The following PHACTR1 variants were observed in gnomAD, a reference collection of about 807,000 sequenced individuals.
PHACTR1 encodes the protein RPEL repeat containing 1.
A neutral mutation model predicts 69.2 loss-of-function variants in PHACTR1; 16 were observed. The observed-to-expected ratio is 0.23, with a 90% CI of 0.16 to 0.35. The LOEUF is 0.35. PHACTR1 is among the 10% of genes least tolerant of loss of function. PHACTR1 has a pLI of 1.00. For missense variants in PHACTR1, 510 were observed against 734.7 expected, an observed-to-expected ratio of 0.69 and a Z score of 3.54; for synonymous variants, 312 against 284.5, an observed-to-expected ratio of 1.10 and a Z score of -0.97.
In PHACTR1 at chr6:12,921,126, A is replaced by T. The variant is rs189059883; in HGVS notation, c.251-132239A>T. ...CTCACATTGGTGCAGTGCACCTGGG[A>T]ATGGGCACCTCCTTAAACCAAGCAC... On this transcript the variant is annotated intron_variant, in intron 4 of 14. Coordinates refer to ENST00000332995, the MANE Select transcript of PHACTR1 (RefSeq NM_030948.6). 2.4e-3 allele frequency among the ~76,000 whole-genome samples: 359 copies of T among 152,294 alleles called. 2 individuals carry two copies. Among genetic ancestry groups the T allele is most frequent in the African/African-American group, 8.3e-3 (343 of 41,548 alleles).
intron 5 of PHACTR1, among the ~76,000 whole-genome samples, chr6:13,066,565 T>C (rs148506191): frequency 6.6e-6 from 1 of 152,284 alleles, no homozygotes; most frequent in African/African-American, 2.4e-5. Context: ...TCTATTGCTG[T>C]GTTACAAAAC....
At chr6:13,237,549 C>T (rs949079370) in intron 10 of PHACTR1, among the ~76,000 whole-genome samples, 1 of 152,110 alleles carries the variant, frequency 6.6e-6, no homozygotes, top group Admixed American at 6.6e-5. Flanking sequence ...GCCGAGGAGA[C>T]AATGAGACAG....
chr6:12,939,374 A>G (rs1489924228), intron 4 of PHACTR1, among the ~76,000 whole-genome samples: 2 of 152,152 alleles, frequency 1.3e-5, no homozygotes, highest in African/African-American at 4.8e-5. Flanking sequence ...TTGGCATAGG[A>G]GGAAAAGTTC....
intron 3 of PHACTR1, among the ~76,000 whole-genome samples, chr6:12,741,440 ATT>A (rs1765027713): frequency 6.6e-6 from 1 of 152,068 alleles, no homozygotes; most frequent in Non-Finnish European, 1.5e-5. Flanking sequence ...GGAATTTAAT[ATT>A]GTGTGAGGCA....
At chr6:13,005,120 A>C (rs916318070) in intron 4 of PHACTR1, among the ~76,000 whole-genome samples, 1 of 151,684 alleles carries the variant, frequency 6.6e-6, no homozygotes, top group African/African-American at 2.4e-5. Context: ...CTTCCCTGCT[A>C]GTGGTCTTTC....
intron 5 of PHACTR1, among the ~76,000 whole-genome samples, chr6:13,077,781 G>T (rs549999739): frequency 6.6e-5 from 10 of 152,244 alleles, no homozygotes; most frequent in African/African-American, 2.4e-4. Flanking sequence ...CCAGCATGAG[G>T]TGGTGGCATC....
rs570541728 is a variant in PHACTR1 at position 13,111,664 on chromosome 6, C to T, written c.416-48540C>T. Among the ~76,000 whole-genome samples the T allele has an allele frequency of 2.0e-3, 298 of 152,302 alleles. 1 individual carries two copies. The highest frequency in any genetic ancestry group is 6.7e-3 in the African/African-American group (278 of 41,556). On this transcript the variant is annotated intron_variant, in intron 5 of 14. Transcript: ENST00000332995. ...CTCCAACTCTCTGTGTTCCTTCCCC[C>T]ATCCTCTCAATATAGGTATATAGTT...
chr6:12,796,705 T>G (rs561641265), intron 4 of PHACTR1, among the ~76,000 whole-genome samples: 1 of 152,310 alleles, frequency 6.6e-6, no homozygotes, highest in East Asian at 1.9e-4. Flanking sequence ...GAGCTTTTGT[T>G]GGACCACACG....
chr6:12,963,447 T>C (rs550344033), intron 4 of PHACTR1, among the ~76,000 whole-genome samples: 6 of 145,144 alleles, frequency 4.1e-5, no homozygotes, highest in African/African-American at 9.9e-5. Context: ...TGTACTTTGA[T>C]TTTCTTTAAA....
At chr6:12,761,612 G>C (rs186563437) in intron 4 of PHACTR1, among the ~76,000 whole-genome samples, 46 of 152,298 alleles carry the variant, frequency 3.0e-4, no homozygotes, top group African/African-American at 1.0e-3. Flanking sequence ...AGAAGCAACT[G>C]TACTTCCTAC....
chr6:13,085,845 A>ATAT, intron 5 of PHACTR1, among the ~76,000 whole-genome samples: 1 of 152,040 alleles, frequency 6.6e-6, no homozygotes, highest in Admixed American at 6.6e-5. Flanking sequence ...GAGAATAAAT[A>ATAT]TATTATGTGT....
Position 12,827,821 on chromosome 6 carries a change from A to G in PHACTR1, c.250+78031A>G, listed in dbSNP as rs908144657. The stretch of plus-strand genomic sequence containing the variant: ...AATTTTAATGTAATTTCCTTCAACC[A>G]CATTACATGATAATATGAAAATAAC... On this transcript the variant is annotated intron_variant, in intron 4 of 14. Coordinates refer to ENST00000332995, the MANE Select transcript of PHACTR1 (RefSeq NM_030948.6). Among the ~76,000 whole-genome samples, 3 of 152,186 alleles carry G rather than the reference A, an allele frequency of 2.0e-5. 1 individual carries two copies. The highest frequency in any genetic ancestry group is 4.4e-5 in the Non-Finnish European group (3 of 68,022).
chr6:12,852,814 G>T (rs1008735477), intron 4 of PHACTR1, among the ~76,000 whole-genome samples: 10 of 152,156 alleles, frequency 6.6e-5, no homozygotes, highest in African/African-American at 2.4e-4. Context: ...CACTCTGATA[G>T]TTTATGACAG....
chr6:12,740,810 A>G (rs1175007500), intron 3 of PHACTR1, among the ~76,000 whole-genome samples: 1 of 151,756 alleles, frequency 6.6e-6, no homozygotes, highest in Non-Finnish European at 1.5e-5. Flanking sequence ...ATATTCTCTT[A>G]TTCTCTTATA....
At chr6:13,278,807 A>G (rs1779503256) in intron 12 of PHACTR1, among the ~76,000 whole-genome samples, 1 of 152,066 alleles carries the variant, frequency 6.6e-6, no homozygotes, top group Non-Finnish European at 1.5e-5. Context: ...AAGTAAATAT[A>G]CAAAAACTAG....
In PHACTR1 at chr6:12,722,158, C is replaced by T. The variant is rs528283232; in HGVS notation, c.103+3311C>T. Among the ~76,000 whole-genome samples the T allele has an allele frequency of 2.6e-5, 4 of 152,316 alleles. 1 individual carries two copies. The South Asian group carries it at 8.3e-4, about 32-fold the overall frequency. On this transcript the variant is annotated intron_variant, in intron 3 of 14. Transcript: ENST00000332995. Reference sequence around the variant, plus strand: ...ACAGTATGGGGTTAAGTATATAAAACTTGGGTGACCTAAGGCTTGGTTGGC... The same window carrying T: ...ACAGTATGGGGTTAAGTATATAAAATTTGGGTGACCTAAGGCTTGGTTGGC...
intron 4 of PHACTR1, among the ~76,000 whole-genome samples, chr6:12,756,262 A>G (rs1197411989): frequency 6.6e-6 from 1 of 152,152 alleles, no homozygotes; most frequent in African/African-American, 2.4e-5. Flanking sequence ...ATTACAGCCA[A>G]TGTCTTGTAA....
chr6:13,090,066 G>A (rs753311305), intron 5 of PHACTR1, among the ~76,000 whole-genome samples: 10 of 152,054 alleles, frequency 6.6e-5, no homozygotes, highest in Non-Finnish European at 1.3e-4. Context: ...TGTTGTTGTT[G>A]TTTTTGAGAC....
chr6:12,718,111 C>T (rs1761623249), intron 2 of PHACTR1, among the ~76,000 whole-genome samples: 2 of 152,190 alleles, frequency 1.3e-5, no homozygotes, highest in Admixed American at 1.3e-4. Context: ...TCTCAAAAAT[C>T]AGCCCCTGCC....
Sources: allele counts gnomAD v4.1 joint callset (sites outside exome capture counted in the v4.1 genomes callset), GRCh38; gene constraint gnomAD v4.1.1; transcripts MANE v1.5; gene names NCBI Gene and HGNC (gene_info 2026-07-23, HGNC 2026-07-21).